ANO6: variants seen among roughly 807,000 people sequenced by gnomAD.
ANO6 encodes anoctamin-6.
ANO6 carries 106 observed loss-of-function variants against 117.5 expected under a neutral mutation model. The ratio of observed to expected loss-of-function variants is 0.90; its 90% CI spans 0.77 to 1.06. The LOEUF (loss-of-function observed/expected upper bound fraction) is 1.06, where lower values mean the gene tolerates loss of function less well. ANO6 is among the 50% of genes least tolerant of loss of function. The pLI, the probability that ANO6 is intolerant of heterozygous loss-of-function variation, is 0.00. For missense variants in ANO6, 955 were observed against 1,121.1 expected (o/e 0.85, Z 2.12); for synonymous variants, 367 against 385.1 (o/e 0.95, Z 0.55).
chr12:45,348,327 C>T lies in ANO6; in HGVS notation c.633+12C>T, dbSNP rs1306705463. 1 of 1,613,860 alleles carries T rather than the reference C, an allele frequency of 6.2e-7. No individual in the cohort carries two copies. The highest frequency in any genetic ancestry group is 1.3e-5 in the African/African-American group (1 of 74,896). ...CCAGAAGCCGCATTGTAAGTCTAAA[C>T]CAAATTTAGTTGCTGTCTTGGGGTA... On this transcript the variant is annotated intron_variant, in intron 5 of 19. Coordinates refer to ENST00000320560, the MANE Select transcript of ANO6 (RefSeq NM_001025356.3).
intron 2 of ANO6, among the ~76,000 whole-genome samples, chr12:45,308,483 G>A (rs143674951): frequency 9.2e-5 from 14 of 152,130 alleles, no homozygotes; most frequent in African/African-American, 3.1e-4. Flanking sequence ...AGGAGAAAGG[G>A]GTGAGACACT....
At chr12:45,297,573 G>A (rs547631270) in intron 1 of ANO6, among the ~76,000 whole-genome samples, 1 of 152,212 alleles carries the variant, frequency 6.6e-6, no homozygotes, top group African/African-American at 2.4e-5. Context: ...TTCTGTAGAG[G>A]CTTCCAGTGT....
Position 45,379,052 on chromosome 12 carries a change from C to T in ANO6, c.1165+939C>T, listed in dbSNP as rs188124877. On this transcript the variant is annotated intron_variant, in intron 10 of 19. Coordinates refer to ENST00000320560, the MANE Select transcript of ANO6 (RefSeq NM_001025356.3). ...TGTTTAATTGATCTGAATGTTCTAA[C>T]GTAGAAGAAAAATTTCCATTTTCAA... 5.0e-4 allele frequency among the ~76,000 whole-genome samples: 76 copies of T among 152,172 alleles called. No individual in the cohort carries two copies. In the East Asian group the frequency reaches 8.1e-3, roughly 16 times the overall value.
intron 1 of ANO6, among the ~76,000 whole-genome samples, chr12:45,243,435 C>T (rs1405399698): frequency 6.6e-6 from 1 of 152,166 alleles, no homozygotes; most frequent in Admixed American, 6.5e-5. Context: ...TTAGTATTGT[C>T]CACCCATGAT....
At chr12:45,286,077 A>C (rs1219109709) in intron 1 of ANO6, among the ~76,000 whole-genome samples, 2 of 152,222 alleles carry the variant, frequency 1.3e-5, no homozygotes, top group African/African-American at 4.8e-5. Flanking sequence ...GTTGAACAAG[A>C]AAAAGGCTTC....
Position 45,390,404 on chromosome 12 carries a change from T to A in ANO6, c.1309-17T>A, listed in dbSNP as rs745733964. Reference sequence around the variant, plus strand: ...GTAATCCCTTGATTGACTAAACTTTTTTGTTTTTGTAATTAGGAAGAAGAA... The same window carrying A: ...GTAATCCCTTGATTGACTAAACTTTATTGTTTTTGTAATTAGGAAGAAGAA... On this transcript the variant is annotated splice_polypyrimidine_tract_variant and intron_variant, in intron 11 of 19. Transcript: ENST00000320560. 4.4e-6 allele frequency: 7 copies of A among 1,606,914 alleles called. No homozygotes were observed. In the East Asian group the frequency reaches 1.1e-4, roughly 26 times the overall value.
At chr12:45,309,145 G>T (rs1000003878) in intron 2 of ANO6, among the ~76,000 whole-genome samples, 2 of 152,054 alleles carry the variant, frequency 1.3e-5, no homozygotes, top group South Asian at 4.1e-4. Context: ...TGGCATTAGT[G>T]CATGAAAGGG....
chr12:45,390,639 T>C (rs1942424170), intron 12 of ANO6, 141 bp downstream of exon 12: 1 of 781,712 alleles, frequency 1.3e-6, no homozygotes, highest in Non-Finnish European at 2.1e-6. Context: ...CAGACAGATA[T>C]TTCCAGATAA....
At chr12:45,311,914 G>A (rs529385036) in intron 2 of ANO6, among the ~76,000 whole-genome samples, 2 of 152,104 alleles carry the variant, frequency 1.3e-5, no homozygotes, top group South Asian at 4.1e-4. Flanking sequence ...TATTTGCATT[G>A]CTCCATTTTA....
chr12:45,317,113 G>GTGTATA, intron 2 of ANO6, among the ~76,000 whole-genome samples: 1 of 66,448 alleles, frequency 1.5e-5, no homozygotes, highest in African/African-American at 4.1e-5. Context: ...CTTTTTATAT[G>GTGTATA]TATATATATA....
chr12:45,423,159 T>C, intron 19 of ANO6, 97 bp downstream of exon 19: 1 of 898,164 alleles, frequency 1.1e-6, no homozygotes, highest in Non-Finnish European at 1.9e-6. Flanking sequence ...TGTGATACTT[T>C]CTTCTTATCA....
chr12:45,423,898 A>G (rs770527995), intron 19 of ANO6, among the ~76,000 whole-genome samples: 1 of 152,220 alleles, frequency 6.6e-6, no homozygotes, highest in Non-Finnish European at 1.5e-5. Context: ...GACCAGAACT[A>G]TAGCATGTGG....
chr12:45,340,805 GAAGTA>G, intron 3 of ANO6, among the ~76,000 whole-genome samples: 1 of 152,232 alleles, frequency 6.6e-6, no homozygotes, highest in South Asian at 2.1e-4. Context: ...ATTCTACAGT[GAAGTA>G]AAGATGATTT....
At chr12:45,380,780 C>A (rs562124887) in intron 10 of ANO6, among the ~76,000 whole-genome samples, 1 of 152,252 alleles carries the variant, frequency 6.6e-6, no homozygotes, top group African/African-American at 2.4e-5. Flanking sequence ...TGAAACCAGC[C>A]TGGCCAACAT....
chr12:45,397,197 C>T (rs1301614541), intron 12 of ANO6, among the ~76,000 whole-genome samples: 1 of 152,076 alleles, frequency 6.6e-6, no homozygotes, highest in Admixed American at 6.5e-5. Context: ...AGACACTTTT[C>T]AAAAGAAGAC....
chr12:45,237,478 G>A (rs1406305575), intron 1 of ANO6, among the ~76,000 whole-genome samples: 1 of 152,212 alleles, frequency 6.6e-6, no homozygotes, highest in Non-Finnish European at 1.5e-5. Context: ...TATTAAATAA[G>A]GAATCCTTTC....
chr12:45,423,717 A>G (rs73283315), intron 19 of ANO6, among the ~76,000 whole-genome samples: 2,040 of 152,256 alleles, frequency 0.013, 37 homozygotes, highest in African/African-American at 0.047. Context: ...AGTCTATCCA[A>G]TTCTTGGGTT....
At chr12:45,280,868 T>TA (rs1938704958) in intron 1 of ANO6, among the ~76,000 whole-genome samples, 2 of 145,468 alleles carry the variant, frequency 1.4e-5, no homozygotes, top group East Asian at 2.0e-4. Context: ...ATATGTGTTT[T>TA]TATATATATA....
At chr12:45,279,448 G>A (rs1938653980) in intron 1 of ANO6, among the ~76,000 whole-genome samples, 1 of 152,070 alleles carries the variant, frequency 6.6e-6, no homozygotes, top group South Asian at 2.1e-4. Context: ...CTTGAGGAGG[G>A]GGCAGAGCTA....
Sources: gnomAD v4.1 joint callset for allele counts (sites outside exome capture counted in the v4.1 genomes callset) on GRCh38, gnomAD v4.1.1 for gene constraint, MANE v1.5 for transcripts, NCBI Gene and HGNC (gene_info 2026-07-23, HGNC 2026-07-21) for gene names.